The following ATP8A2 variants were observed in gnomAD, a reference collection of about 807,000 sequenced individuals.
ATP8A2 encodes phospholipid-transporting ATPase IB.
A neutral mutation model predicts 165.6 loss-of-function variants in ATP8A2; 100 were observed. The ratio of observed to expected loss-of-function variants is 0.60; its 90% CI spans 0.51 to 0.71. The LOEUF is 0.71. Ranked by LOEUF, ATP8A2 falls within the 30% of genes least tolerant of loss-of-function variation. The pLI is 0.00. For synonymous variants in ATP8A2, 543 were observed against 548.8 expected, an observed-to-expected ratio of 0.99 and a Z score of 0.15; for missense variants, 1,227 against 1,479.5, an observed-to-expected ratio of 0.83 and a Z score of 2.80.
At chr13:25,834,604 G>C (rs1951557880) in intron 28 of ATP8A2, among the ~76,000 whole-genome samples, 1 of 152,164 alleles carries the variant, frequency 6.6e-6, no homozygotes, top group South Asian at 2.1e-4. Flanking sequence ...AAGGGCTTTG[G>C]GGGGCTTTCT....
intron 33 of ATP8A2, among the ~76,000 whole-genome samples, chr13:25,864,797 G>A (rs1295015854): frequency 3.3e-5 from 5 of 152,286 alleles, no homozygotes; most frequent in East Asian, 1.9e-4. Flanking sequence ...CCGGACTTCC[G>A]AGTAGGTACT....
At chr13:25,579,240 G>A (rs528044229) in intron 21 of ATP8A2, among the ~76,000 whole-genome samples, 1 of 152,280 alleles carries the variant, frequency 6.6e-6, no homozygotes, top group East Asian at 1.9e-4. Context: ...AATAATTCAT[G>A]GAACCCATAG....
At chr13:25,702,839 C>G (rs2042978972) in intron 25 of ATP8A2, among the ~76,000 whole-genome samples, 1 of 152,092 alleles carries the variant, frequency 6.6e-6, no homozygotes, top group Non-Finnish European at 1.5e-5. Flanking sequence ...GAGGGGTTCT[C>G]TTTTTCTTCT....
At chr13:25,863,995 A>C (rs1952430914) in intron 33 of ATP8A2, among the ~76,000 whole-genome samples, 1 of 152,234 alleles carries the variant, frequency 6.6e-6, no homozygotes, top group Non-Finnish European at 1.5e-5. Flanking sequence ...GTTTAAATAA[A>C]TCAGTTCTAT....
intron 24 of ATP8A2, among the ~76,000 whole-genome samples, chr13:25,592,290 C>T (rs921568961): frequency 3.3e-5 from 5 of 150,500 alleles, no homozygotes; most frequent in African/African-American, 1.3e-4. Context: ...GGTTAAAAAC[C>T]TGTTTAAAAA....
intron 24 of ATP8A2, among the ~76,000 whole-genome samples, chr13:25,634,937 G>A (rs1340561093): frequency 6.6e-6 from 1 of 151,762 alleles, no homozygotes; most frequent in Non-Finnish European, 1.5e-5. Context: ...TCATTAGCAA[G>A]CACTTTTTTT....
chr13:25,945,626 G>GA (rs1278056083), intron 33 of ATP8A2, among the ~76,000 whole-genome samples: 2 of 152,172 alleles, frequency 1.3e-5, no homozygotes, highest in African/African-American at 4.8e-5. Context: ...GAGTAATAGT[G>GA]AGAGGGAGAG....
intron 35 of ATP8A2, among the ~76,000 whole-genome samples, chr13:25,989,229 C>T (rs1398032143): frequency 6.6e-6 from 1 of 152,178 alleles, no homozygotes; most frequent in Non-Finnish European, 1.5e-5. Flanking sequence ...GACCTAGACC[C>T]TGTGTGCATT....
intron 2 of ATP8A2, chr13:25,517,029 C>T (rs1217166989): frequency 2.0e-5 from 3 of 151,724 alleles, no homozygotes; most frequent in Non-Finnish European, 4.4e-5. Flanking sequence ...TATCCACCCA[C>T]CTCGCCCTCC....
In ATP8A2 at chr13:26,019,962, A is replaced by G. The variant is rs1423315202; in HGVS notation, c.3544A>G (p.Lys1182Glu). The G allele has an allele frequency of 3.1e-6, 5 of 1,612,844 alleles. No homozygotes were observed. Among genetic ancestry groups the G allele is most frequent in the Admixed American group, 1.7e-5 (1 of 59,996 alleles). ...AGTCATCCGTGCTTATGACACCACC[A>G]AAAAGAAATCCAGGAAGAAATAAGA... is the stretch of plus-strand genomic sequence containing the variant. ...EEVIRAYDTT[K>E]KKSRKK Residue 1182 changes from lysine (K) to glutamate (E), a missense_variant, in exon 37 of 37, where the codon AAA (lysine) becomes GAA (glutamate). This residue lies in a region of ATP8A2 where 15 missense variants were observed against 37.1 expected (regional missense o/e 0.40). Transcript: ENST00000381655.
chr13:26,014,382 CTG>C (rs1956918357), intron 36 of ATP8A2, among the ~76,000 whole-genome samples: 1 of 152,222 alleles, frequency 6.6e-6, no homozygotes, highest in Non-Finnish European at 1.5e-5. Flanking sequence ...ATATCCTTGA[CTG>C]ACTAAAATTA....
chr13:25,784,549 A>T (rs1319286314), intron 27 of ATP8A2, among the ~76,000 whole-genome samples: 1 of 152,172 alleles, frequency 6.6e-6, no homozygotes, highest in African/African-American at 2.4e-5. Flanking sequence ...CAAATAATCC[A>T]TTGACTACAT....
At chr13:25,542,098 C>T (rs1453237441) in intron 9 of ATP8A2, 52 bp downstream of exon 9, 2 of 1,540,052 alleles carry the variant, frequency 1.3e-6, no homozygotes, top group Admixed American at 1.8e-5. Flanking sequence ...CTAAGAATTA[C>T]TGGAGCTTTG....
At chr13:25,479,638 C>T (rs1234707013) in intron 2 of ATP8A2, among the ~76,000 whole-genome samples, 6 of 151,884 alleles carry the variant, frequency 4.0e-5, no homozygotes, top group East Asian at 1.9e-4. Context: ...GACCCTGAGG[C>T]CTTCCGCAGT....
At chr13:25,464,443 A>G (rs565494620) in intron 1 of ATP8A2, among the ~76,000 whole-genome samples, 64 of 50,608 alleles carry the variant, frequency 1.3e-3, no homozygotes, top group African/African-American at 5.6e-3. Flanking sequence ...CCTCATCTCT[A>G]TCTAAAAAAA....
chr13:25,603,859 A>T (rs1454837714), intron 24 of ATP8A2, among the ~76,000 whole-genome samples: 1 of 152,122 alleles, frequency 6.6e-6, no homozygotes, highest in Non-Finnish European at 1.5e-5. Flanking sequence ...TAAGGTTGAG[A>T]TAACTCTTAG....
At chr13:25,916,467 C>T (rs1954269546) in intron 33 of ATP8A2, among the ~76,000 whole-genome samples, 1 of 152,230 alleles carries the variant, frequency 6.6e-6, no homozygotes, top group Non-Finnish European at 1.5e-5. Flanking sequence ...TGCATTTTCA[C>T]AGGTTGCTGT....
rs1206903838 is a variant in ATP8A2, at chr13:25,402,185, A to C, written c.76+29897A>C. On this transcript the variant is annotated intron_variant, in intron 1 of 36. Coordinates refer to ENST00000381655, the MANE Select transcript of ATP8A2 (RefSeq NM_016529.6). ...ATGATTCACACCCTAGGTGGGAAGG[A>C]GCAGGATGGTGCGAGATTTCATCAT... Among the ~76,000 whole-genome samples, 3 of 152,208 alleles carry C rather than the reference A, an allele frequency of 2.0e-5. No individual in the cohort carries two copies. In the South Asian group the frequency reaches 6.2e-4, roughly 32 times the overall value.
chr13:25,647,719 C>G (rs1042423741), intron 24 of ATP8A2, among the ~76,000 whole-genome samples: 3 of 150,376 alleles, frequency 2.0e-5, no homozygotes, highest in Non-Finnish European at 4.4e-5. Context: ...GAGTTTCACT[C>G]TTGTTGCCCA....
Sources: gnomAD v4.1 joint callset for allele counts (sites outside exome capture counted in the v4.1 genomes callset) on GRCh38, gnomAD v4.1.1 for gene constraint, gnomAD v4.1.1 regional missense constraint, MANE v1.5 for transcripts, NCBI Gene and HGNC (gene_info 2026-07-23, HGNC 2026-07-21) for gene names.